Variants in MLLT3 observed in about 807,000 individuals in gnomAD.
The protein encoded by MLLT3 is protein AF-9.
MLLT3 carries 4 observed loss-of-function variants against 53.2 expected under a neutral mutation model. The observed-to-expected ratio is 0.08, with a 90% confidence interval of 0.04 to 0.17. The LOEUF (loss-of-function observed/expected upper bound fraction) is 0.17. MLLT3 is among the 10% of genes least tolerant of loss of function. MLLT3 has a pLI of 1.00. For missense variants in MLLT3, 569 were observed against 684.0 expected, an observed-to-expected ratio of 0.83 and a Z score of 1.87; for synonymous variants, 283 against 230.6, an observed-to-expected ratio of 1.23 and a Z score of -2.06.
intron 2 of MLLT3, among the ~76,000 whole-genome samples, chr9:20,553,020 G>A (rs1818963729): frequency 6.6e-6 from 1 of 152,050 alleles, no homozygotes; most frequent in South Asian, 2.1e-4. Flanking sequence ...TCCCTACATT[G>A]GACATCCAGA....
chr9:20,530,684 T>C (rs1353861850), intron 2 of MLLT3, among the ~76,000 whole-genome samples: 1 of 152,208 alleles, frequency 6.6e-6, no homozygotes, highest in African/African-American at 2.4e-5. Context: ...GCTTGCACAT[T>C]TTGGGTTTTG....
chr9:20,404,778 T>C (rs989281651), intron 5 of MLLT3, among the ~76,000 whole-genome samples: 45 of 152,306 alleles, frequency 3.0e-4, no homozygotes, highest in African/African-American at 1.0e-3. Context: ...AGCACTGGGA[T>C]TATAGGCTTC....
chr9:20,408,388 CAG>C (rs1822640052), intron 5 of MLLT3, among the ~76,000 whole-genome samples: 1 of 149,792 alleles, frequency 6.7e-6, no homozygotes, highest in Non-Finnish European at 1.5e-5. Flanking sequence ...ACACCCAACA[CAG>C]AAAAAAAAAA....
At chr9:20,446,325 A>G (rs997150289) in intron 4 of MLLT3, among the ~76,000 whole-genome samples, 1 of 152,194 alleles carries the variant, frequency 6.6e-6, no homozygotes, top group Non-Finnish European at 1.5e-5. Context: ...ACAAAGAAGG[A>G]AAGTTAGAAG....
At chr9:20,569,883 G>A (rs986544309) in intron 2 of MLLT3, among the ~76,000 whole-genome samples, 1 of 152,100 alleles carries the variant, frequency 6.6e-6, no homozygotes, top group East Asian at 1.9e-4. Flanking sequence ...CACCTAATGC[G>A]CTGTGGTCTG....
rs763059422 is a variant in MLLT3, at chr9:20,413,721, A to G, written c.1125T>C (p.Asp375=). 10 of 1,580,250 alleles carry G rather than the reference A, an allele frequency of 6.3e-6. No individual in the cohort carries two copies. The highest frequency in any genetic ancestry group is 3.6e-5 in the South Asian group (3 of 83,748). ...DVEENISSKS[D]SEQPSPASSS... ...AAGAAAGCCAGTAAGAACTACTCAC[A>G]TCAGATTTAGAGGATATATTCTCCT... Residue 375 remains aspartate, a splice_region_variant and synonymous_variant, in exon 5 of 11, where the codon GAT becomes GAC. Transcript: ENST00000380338.
At chr9:20,577,633 C>G (rs984922984) in intron 2 of MLLT3, among the ~76,000 whole-genome samples, 7 of 152,180 alleles carry the variant, frequency 4.6e-5, no homozygotes, top group Admixed American at 3.3e-4. Flanking sequence ...CATTCTAGCC[C>G]CATTACTGCA....
At chr9:20,357,598 T>C (rs977327891) in intron 8 of MLLT3, among the ~76,000 whole-genome samples, 41 of 152,364 alleles carry the variant, frequency 2.7e-4, no homozygotes, top group Non-Finnish European at 4.3e-4. Context: ...TACTGATAGA[T>C]CTTTCATACT....
chr9:20,397,775 C>G (rs1418856240), intron 5 of MLLT3, among the ~76,000 whole-genome samples: 1 of 152,008 alleles, frequency 6.6e-6, no homozygotes, highest in Non-Finnish European at 1.5e-5. Flanking sequence ...TCTTAATAAT[C>G]TCAGCATCCC....
intron 2 of MLLT3, among the ~76,000 whole-genome samples, chr9:20,585,745 T>C (rs1353445445): frequency 6.6e-6 from 1 of 152,242 alleles, no homozygotes; most frequent in Non-Finnish European, 1.5e-5. Flanking sequence ...CACTGTTCTA[T>C]TTCCCAGTGT....
intron 2 of MLLT3, among the ~76,000 whole-genome samples, chr9:20,580,571 A>G (rs1422641344): frequency 6.6e-6 from 1 of 152,050 alleles, no homozygotes; most frequent in Admixed American, 6.6e-5. Flanking sequence ...ACCTGTGCAC[A>G]CTCTGCCTAT....
intron 2 of MLLT3, among the ~76,000 whole-genome samples, chr9:20,552,567 G>T (rs1369268010): frequency 6.6e-6 from 1 of 152,062 alleles, no homozygotes; most frequent in Admixed American, 6.6e-5. Context: ...GAGAGCAGAA[G>T]AGGCGAGAAC....
chr9:20,402,487 G>A (rs1457790276), intron 5 of MLLT3, among the ~76,000 whole-genome samples: 2 of 152,194 alleles, frequency 1.3e-5, no homozygotes, highest in African/African-American at 2.4e-5. Flanking sequence ...AACCTGGAGG[G>A]TGGAACGGAG....
chr9:20,354,954 C>A, intron 8 of MLLT3, 75 bp from the exon 9 acceptor site: 1 of 965,670 alleles, frequency 1.0e-6, no homozygotes, highest in Non-Finnish European at 1.7e-6. Context: ...TAAACAAAGG[C>A]ATCCACTGAA....
intron 2 of MLLT3, among the ~76,000 whole-genome samples, chr9:20,465,954 A>G (rs1398768963): frequency 6.6e-6 from 1 of 152,142 alleles, no homozygotes; most frequent in Non-Finnish European, 1.5e-5. Context: ...AACCAGGGAA[A>G]ATCCAGTTTC....
At chr9:20,347,794 C>G (rs1461087078) in intron 10 of MLLT3, among the ~76,000 whole-genome samples, 1 of 152,130 alleles carries the variant, frequency 6.6e-6, no homozygotes, top group Non-Finnish European at 1.5e-5. Flanking sequence ...ACCTCTGATT[C>G]TCTTTAGGTC....
chr9:20,373,943 A>T (rs1425308991), intron 5 of MLLT3, among the ~76,000 whole-genome samples: 1 of 106,984 alleles, frequency 9.3e-6, no homozygotes, highest in Non-Finnish European at 1.6e-5. Flanking sequence ...TTCTTTCATT[A>T]AAAAAAAAAA....
At chr9:20,570,089 T>C (rs1300623777) in intron 2 of MLLT3, among the ~76,000 whole-genome samples, 1 of 152,214 alleles carries the variant, frequency 6.6e-6, no homozygotes, top group East Asian at 1.9e-4. Flanking sequence ...TAATTTTACT[T>C]TATTGGACTT....
intron 2 of MLLT3, among the ~76,000 whole-genome samples, chr9:20,544,016 A>G (rs528866591): frequency 1.3e-5 from 2 of 152,324 alleles, no homozygotes; most frequent in African/African-American, 2.4e-5. Context: ...ACATATAAAT[A>G]AACAGAACAG....
Sources: gnomAD v4.1 joint callset for allele counts (sites outside exome capture counted in the v4.1 genomes callset) on GRCh38, gnomAD v4.1.1 for gene constraint, MANE v1.5 for transcripts, NCBI Gene and HGNC (gene_info 2026-07-23, HGNC 2026-07-21) for gene names.